FBXO34: variants seen among roughly 807,000 people sequenced by gnomAD.
FBXO34 encodes F-box protein 34.
A neutral mutation model predicts 24.5 loss-of-function variants in FBXO34; 12 were observed. The ratio of observed to expected loss-of-function variants is 0.49; its 90% confidence interval spans 0.31 to 0.79. The LOEUF is 0.79. Among genes scored for constraint, FBXO34 ranks in the 30% least tolerant of loss-of-function variants. The pLI is 0.04. For missense variants in FBXO34, 823 were observed against 857.7 expected (o/e 0.96, Z 0.51); for synonymous variants, 320 against 311.9 (o/e 1.03, Z -0.27).
the FBXO34 span, among the ~76,000 whole-genome samples, chr14:55,406,500 G>A: frequency 6.6e-6 from 1 of 152,196 alleles, no homozygotes; most frequent in Non-Finnish European, 1.5e-5. Context: ...CAATCAACCT[G>A]TGGCCCTCAG....
chr14:55,404,390 C>T, the FBXO34 span, among the ~76,000 whole-genome samples: 1 of 152,222 alleles, frequency 6.6e-6, no homozygotes, highest in Non-Finnish European at 1.5e-5. Context: ...ACACTGCCCT[C>T]TGGGATGTGC....
chr14:55,355,744 C>CA (rs759799629), downstream of FBXO34, among the ~76,000 whole-genome samples: 32 of 152,356 alleles, frequency 2.1e-4, no homozygotes, highest in East Asian at 2.3e-3. Flanking sequence ...GCACTCAACT[C>CA]AGAGGGCATC....
At chr14:55,313,601 G>T (rs1882824350) in intron 1 of FBXO34, among the ~76,000 whole-genome samples, 1 of 152,210 alleles carries the variant, frequency 6.6e-6, no homozygotes, top group Non-Finnish European at 1.5e-5. Context: ...TTGACTCACA[G>T]TTTCACATGG....
At chr14:55,401,748 C>T in the FBXO34 span, among the ~76,000 whole-genome samples, 5 of 152,174 alleles carry the variant, frequency 3.3e-5, no homozygotes, top group Non-Finnish European at 7.3e-5. Context: ...TGCTCGCACA[C>T]AGCCCCAGTG....
chr14:55,337,243 G>A lies in FBXO34; in HGVS notation c.-10-13138G>A, dbSNP rs1055824223. Among the ~76,000 whole-genome samples the A allele has an allele frequency of 2.6e-5, 4 of 152,088 alleles. 1 individual carries two copies. Among genetic ancestry groups the A allele is most frequent in the Admixed American group, 2.0e-4 (3 of 15,268 alleles). ...CTCACCTTAGCCTCCCAAAGTGCTG[G>A]GATTACAGGCATGAGCCACTGCACC... On this transcript the variant is annotated intron_variant, in intron 1 of 1. Transcript: ENST00000313833.
chr14:55,392,851 TAG>T, the FBXO34 span, among the ~76,000 whole-genome samples: 2 of 152,078 alleles, frequency 1.3e-5, no homozygotes, highest in African/African-American at 4.8e-5. Context: ...ACATCTCGAA[TAG>T]AGTCAGACAT....
chr14:55,387,810 A>G, the FBXO34 span, among the ~76,000 whole-genome samples: 4 of 151,986 alleles, frequency 2.6e-5, no homozygotes, highest in African/African-American at 9.7e-5. Flanking sequence ...CTAGGATTAC[A>G]GGCACACACC....
At chr14:55,345,317 C>G (rs866015817) in intron 1 of FBXO34, among the ~76,000 whole-genome samples, 2 of 152,252 alleles carry the variant, frequency 1.3e-5, no homozygotes, top group Middle Eastern at 6.8e-3. Flanking sequence ...TCCTGTGAAC[C>G]CATTTACTTG....
the FBXO34 span, among the ~76,000 whole-genome samples, chr14:55,376,459 TC>T: frequency 6.6e-6 from 1 of 152,208 alleles, no homozygotes; most frequent in Non-Finnish European, 1.5e-5. Flanking sequence ...AGGCATGAAC[TC>T]CCTGTAAAAT....
At chr14:55,367,452 C>T (rs1392601993) in exon 3 of FBXO34, 1 of 152,156 alleles carries the variant, frequency 6.6e-6, no homozygotes, top group African/African-American at 2.4e-5. Flanking sequence ...TGTAGAAGAA[C>T]CCATAAGGGG....
chr14:55,396,480 T>C, the FBXO34 span, among the ~76,000 whole-genome samples: 10,618 of 152,306 alleles, frequency 0.07, 439 homozygotes, highest in South Asian at 0.11. Flanking sequence ...TAGATTTAAA[T>C]TGCTCATGAA....
At chr14:55,366,286 C>T (rs868528536), downstream of FBXO34, 1 of 152,512 alleles carries the variant, frequency 6.6e-6, no homozygotes, top group South Asian at 2.1e-4. Flanking sequence ...CTACAAACTT[C>T]TTCTATAATT....
chr14:55,422,642 A>G, the FBXO34 span, among the ~76,000 whole-genome samples: 1 of 152,166 alleles, frequency 6.6e-6, no homozygotes, highest in Non-Finnish European at 1.5e-5. Context: ...ACTTGAGGCC[A>G]GAGGTTCGAG....
downstream of FBXO34, among the ~76,000 whole-genome samples, chr14:55,372,865 C>T (rs3825615): frequency 0.048 from 7,307 of 152,192 alleles, 346 homozygotes; most frequent in East Asian, 0.17. Flanking sequence ...CGGTTCTCTG[C>T]GTGGAGAAAC....
At position 55,351,080 on chromosome 14, in the gene FBXO34, A is replaced by T. The variant is rs1276507249; in HGVS notation, c.690A>T (p.Thr230=). ...ALLASCSKNC[T]NSPAIVRFSG... The stretch of plus-strand genomic sequence containing the variant: ...TAGCTAGCTGTTCAAAAAACTGCAC[A>T]AACTCACCTGCAATTGTGAGGTTTT... Residue 230 remains threonine (T), a synonymous_variant, in exon 2 of 2, where the codon ACA becomes ACT. Transcript: ENST00000313833. 6.2e-7 allele frequency: 1 copy of T among 1,614,118 alleles called. No homozygotes were observed. The highest frequency in any genetic ancestry group is 1.3e-5 in the African/African-American group (1 of 74,934).
At chr14:55,369,523 C>T (rs899100647), downstream of FBXO34, 2 of 1,191,866 alleles carry the variant, frequency 1.7e-6, no homozygotes, top group Non-Finnish European at 2.3e-6. Flanking sequence ...CTCTTTGTTC[C>T]AGACACTATC....
the FBXO34 span, among the ~76,000 whole-genome samples, chr14:55,420,156 C>T: frequency 0.4 from 61,358 of 152,094 alleles, 14,357 homozygotes; most frequent in East Asian, 0.59. Context: ...CTGCAACTTC[C>T]GCCTCCCAGG....
chr14:55,380,877 T>TATATATA, the FBXO34 span, among the ~76,000 whole-genome samples: 50 of 43,642 alleles, frequency 1.1e-3, no homozygotes, highest in African/African-American at 8.2e-3. Context: ...ATATATATAT[T>TATATATA]TTTTTTTTTT....
rs115521103 is a variant in FBXO34, at chr14:55,333,157, G to T, written c.-10-17224G>T. Among the ~76,000 whole-genome samples, 184 of 152,300 alleles carry T rather than the reference G, an allele frequency of 1.2e-3. 1 individual carries two copies. Among genetic ancestry groups the T allele is most frequent in the African/African-American group, 4.3e-3 (177 of 41,558 alleles). Reference sequence around the variant, plus strand: ...GACCCACAAGACACAAATCCCAGCAGTCTGTGGTTACTGCTGGAATGATTA... The same window carrying T: ...GACCCACAAGACACAAATCCCAGCATTCTGTGGTTACTGCTGGAATGATTA... On this transcript the variant is annotated intron_variant, in intron 1 of 1. Coordinates refer to ENST00000313833, the MANE Select transcript of FBXO34 (RefSeq NM_017943.4).
Sources: gnomAD v4.1 joint callset for allele counts (sites outside exome capture counted in the v4.1 genomes callset) on GRCh38, gnomAD v4.1.1 for gene constraint, MANE v1.5 for transcripts, NCBI Gene and HGNC (gene_info 2026-07-23, HGNC 2026-07-21) for gene names.